Variants in FABP7 observed in about 807,000 individuals in gnomAD.
FABP7 encodes the protein fatty acid binding protein 7.
In FABP7, 13 loss-of-function variants were observed where a neutral mutation model predicts 14.2. The ratio of observed to expected loss-of-function variants is 0.91; its 90% confidence interval spans 0.59 to 1.45. The LOEUF is 1.45. FABP7 is among the 40% of genes most tolerant of loss of function. The pLI is 0.00. For missense variants in FABP7, 149 were observed against 157.6 expected, an observed-to-expected ratio of 0.95 and a Z score of 0.29; for synonymous variants, 49 against 51.4, an observed-to-expected ratio of 0.95 and a Z score of 0.20.
the FABP7 span, among the ~76,000 whole-genome samples, chr6:122,772,221 C>A: frequency 6.6e-6 from 1 of 152,010 alleles, no homozygotes; most frequent in Non-Finnish European, 1.5e-5. Context: ...ATGACCCGAG[C>A]AGAAGGAAGG....
At position 122,783,059 on chromosome 6, in the gene FABP7, C is replaced by T. The variant is rs1421641650; in HGVS notation, c.349-658C>T. On this transcript the variant is annotated intron_variant, in intron 3 of 3. Transcript: ENST00000368444. The stretch of plus-strand genomic sequence containing the variant: ...TACAAGGATATACTATACTCCTGAA[C>T]ATCACATCAATACATGAAAACCATG... 1.4e-5 allele frequency: 14 copies of T among 985,316 alleles called. No individual in the cohort carries two copies. In the East Asian group the frequency reaches 5.7e-4, roughly 40 times the overall value. 61.0% of individuals were successfully genotyped at this position (985,316 alleles called of 1,614,324 possible). A position where few individuals can be genotyped will look rare whatever the true frequency, so the allele number is the denominator to read the frequency against.
chr6:122,766,259 T>C, the FABP7 span, among the ~76,000 whole-genome samples: 1 of 152,134 alleles, frequency 6.6e-6, no homozygotes, highest in African/African-American at 2.4e-5. Context: ...GGTTTTTAAG[T>C]ATTTGTTCAA....
chr6:122,751,695 C>T, the FABP7 span, among the ~76,000 whole-genome samples: 3 of 152,196 alleles, frequency 2.0e-5, no homozygotes, highest in Non-Finnish European at 2.9e-5. Context: ...ACCTTCCACT[C>T]CACCTGGGAA....
the FABP7 span, among the ~76,000 whole-genome samples, chr6:122,760,415 A>G: frequency 6.6e-6 from 1 of 152,042 alleles, no homozygotes; most frequent in Non-Finnish European, 1.5e-5. Flanking sequence ...TCCTTTTAAC[A>G]TATGTGACTT....
At chr6:122,761,582 C>A in the FABP7 span, among the ~76,000 whole-genome samples, 1 of 152,042 alleles carries the variant, frequency 6.6e-6, no homozygotes, top group South Asian at 2.1e-4. Flanking sequence ...TCCAAACAGA[C>A]TTATGATTAA....
chr6:122,768,267 C>T, the FABP7 span, among the ~76,000 whole-genome samples: 3 of 152,036 alleles, frequency 2.0e-5, no homozygotes, highest in Non-Finnish European at 4.4e-5. Flanking sequence ...TTGGTGAGTC[C>T]ACTTTAGAAA....
the FABP7 span, among the ~76,000 whole-genome samples, chr6:122,754,879 A>C: frequency 1.3e-5 from 2 of 152,072 alleles, no homozygotes; most frequent in Admixed American, 6.5e-5. Flanking sequence ...CAGGACTTGC[A>C]GTTCCCTGGT....
the FABP7 span, among the ~76,000 whole-genome samples, chr6:122,759,253 CG>C: frequency 6.6e-6 from 1 of 152,072 alleles, no homozygotes; most frequent in African/African-American, 2.4e-5. Flanking sequence ...AAACTGTTCT[CG>C]GTATTTGGCC....
At chr6:122,758,578 G>T in the FABP7 span, among the ~76,000 whole-genome samples, 2 of 152,056 alleles carry the variant, frequency 1.3e-5, no homozygotes, top group Admixed American at 6.6e-5. Flanking sequence ...AAAAAAAATC[G>T]CTAAGAAAGT....
chr6:122,761,435 T>A, the FABP7 span, among the ~76,000 whole-genome samples: 1 of 152,180 alleles, frequency 6.6e-6, no homozygotes, highest in Admixed American at 6.5e-5. Context: ...CCAGACTATA[T>A]CATTTATGTA....
the FABP7 span, among the ~76,000 whole-genome samples, chr6:122,768,797 T>C: frequency 6.6e-6 from 1 of 152,100 alleles, no homozygotes; most frequent in Non-Finnish European, 1.5e-5. Flanking sequence ...GAAAATACTT[T>C]AATAAGCAAT....
intron 2 of FABP7, 106 bp downstream of exon 2, chr6:122,780,569 C>T: frequency 8.1e-7 from 1 of 1,227,422 alleles, no homozygotes; most frequent in Non-Finnish European, 1.1e-6. Context: ...AGAATATTTT[C>T]AGTATTTCAA....
the FABP7 span, among the ~76,000 whole-genome samples, chr6:122,763,026 G>A: frequency 6.6e-6 from 1 of 151,924 alleles, no homozygotes; most frequent in Non-Finnish European, 1.5e-5. Flanking sequence ...TCACAGAATT[G>A]GAAAAAAACT....
At chr6:122,782,089 T>A in intron 3 of FABP7, 1 of 985,416 alleles carries the variant, frequency 1.0e-6, no homozygotes, top group Non-Finnish European at 1.2e-6. Context: ...TCTTTCCAGT[T>A]TTTTTCTCGA....
upstream of FABP7, among the ~76,000 whole-genome samples, chr6:122,774,736 A>G (rs13214367): frequency 0.16 from 24,727 of 151,248 alleles, 2,354 homozygotes; most frequent in Middle Eastern, 0.24. Flanking sequence ...TGCTGATGAC[A>G]TGATCTCATA....
chr6:122,776,745 C>T (rs1235647176), upstream of FABP7, among the ~76,000 whole-genome samples: 1 of 152,182 alleles, frequency 6.6e-6, no homozygotes, highest in Non-Finnish European at 1.5e-5. Flanking sequence ...AATCATTACT[C>T]ATGTAATGTT....
chr6:122,772,483 A>C, the FABP7 span, among the ~76,000 whole-genome samples: 2 of 152,156 alleles, frequency 1.3e-5, no homozygotes, highest in Non-Finnish European at 2.9e-5. Flanking sequence ...GCAGTGGCAC[A>C]ATCAGCTCAC....
the FABP7 span, among the ~76,000 whole-genome samples, chr6:122,750,659 T>C: frequency 5.9e-5 from 9 of 152,168 alleles, 1 homozygote; most frequent in Admixed American, 3.9e-4. Context: ...AGCCTTATTT[T>C]TACCCTCCCC....
At chr6:122,767,108 T>G in the FABP7 span, among the ~76,000 whole-genome samples, 6 of 152,088 alleles carry the variant, frequency 3.9e-5, no homozygotes, top group African/African-American at 1.4e-4. Flanking sequence ...GCAATATTAA[T>G]GACTACATAT....
Sources: allele counts gnomAD v4.1 joint callset (sites outside exome capture counted in the v4.1 genomes callset), GRCh38; gene constraint gnomAD v4.1.1; transcripts MANE v1.5; gene names NCBI Gene and HGNC (gene_info 2026-07-23, HGNC 2026-07-21).